The following KAZN variants were observed in gnomAD, a reference collection of about 807,000 sequenced individuals.
The protein encoded by KAZN is kazrin, periplakin interacting protein, also known as kazrin.
Under a neutral mutation model 87.4 loss-of-function variants are expected in KAZN, and 40 were observed. That is an observed-to-expected ratio of 0.46 (90% CI 0.36 to 0.60). KAZN has a LOEUF of 0.60. Among genes scored for constraint, KAZN ranks in the 20% least tolerant of loss-of-function variants. The probability of loss-of-function intolerance (pLI) is 0.00; values close to 1 mark genes in which losing one functional copy is unlikely to be tolerated. For missense variants in KAZN, 898 were observed against 1,073.9 expected, an observed-to-expected ratio of 0.84 and a Z score of 2.29; for synonymous variants, 466 against 458.3, an observed-to-expected ratio of 1.02 and a Z score of -0.22.
chr1:14,122,315 A>C (rs1383307698), intron 1 of KAZN, among the ~76,000 whole-genome samples: 1 of 152,190 alleles, frequency 6.6e-6, no homozygotes, highest in Non-Finnish European at 1.5e-5. Flanking sequence ...AATTCAATAA[A>C]ACCCAATTCT....
At chr1:14,665,901 T>C (rs933599181) in intron 1 of KAZN, among the ~76,000 whole-genome samples, 5 of 144,368 alleles carry the variant, frequency 3.5e-5, no homozygotes, top group Non-Finnish European at 6.0e-5. Flanking sequence ...CCTTTGGCAG[T>C]TTGGAGGCTA....
chr1:13,987,281 G>T (rs774067703), intron 1 of KAZN, among the ~76,000 whole-genome samples: 2 of 151,950 alleles, frequency 1.3e-5, no homozygotes, highest in African/African-American at 2.4e-5. Context: ...TTTAAGCCCC[G>T]CATGCATCAG....
At chr1:14,425,130 G>A (rs898298302) in intron 2 of KAZN, among the ~76,000 whole-genome samples, 8 of 152,214 alleles carry the variant, frequency 5.3e-5, no homozygotes, top group Non-Finnish European at 1.2e-4. Flanking sequence ...CGTGGCCTCA[G>A]TGTCTTCATC....
At chr1:13,931,674 G>T (rs1484013173) in intron 1 of KAZN, among the ~76,000 whole-genome samples, 1 of 114,212 alleles carries the variant, frequency 8.8e-6, no homozygotes, top group Non-Finnish European at 2.0e-5. Context: ...CAGTCCCAAT[G>T]ATTGTCATGT....
chr1:14,496,137 G>T (rs866715733), intron 2 of KAZN, among the ~76,000 whole-genome samples: 46 of 152,090 alleles, frequency 3.0e-4, no homozygotes, highest in African/African-American at 1.1e-3. Flanking sequence ...TTGCCATGTG[G>T]TTATTTTGAA....
chr1:14,474,591 C>T (rs1668621211), intron 2 of KAZN, among the ~76,000 whole-genome samples: 1 of 152,152 alleles, frequency 6.6e-6, no homozygotes, highest in Non-Finnish European at 1.5e-5. Context: ...GTCGGAAGGA[C>T]AACCAGAGCA....
chr1:14,586,291 T>C (rs1675842093), intron 2 of KAZN, among the ~76,000 whole-genome samples: 1 of 152,206 alleles, frequency 6.6e-6, no homozygotes, highest in African/African-American at 2.4e-5. Context: ...TTTTGTGATG[T>C]GCCGCACAGA....
In KAZN at chr1:14,178,654, G is replaced by C. The variant is rs75546491; in HGVS notation, c.92-1781G>C. On this transcript the variant is annotated intron_variant, in intron 1 of 16. Transcript: ENST00000636203. ...CATGTTTGCTAATACTATCACTTCT[G>C]TTATTTCTGGGTTTGTTTCTGTATA... Among the ~76,000 whole-genome samples, 275 of 152,230 alleles carry C rather than the reference G, an allele frequency of 1.8e-3. 6 individuals are homozygous for C. In the East Asian group the frequency reaches 0.046, roughly 25 times the overall value.
chr1:13,945,708 T>TGAGA (rs1315403538), intron 1 of KAZN, among the ~76,000 whole-genome samples: 5 of 134,622 alleles, frequency 3.7e-5, no homozygotes, highest in African/African-American at 1.4e-4. Flanking sequence ...TGTGTGTGTG[T>TGAGA]GTGAGAGAGA....
intron 1 of KAZN, among the ~76,000 whole-genome samples, chr1:13,922,258 A>G (rs1640097765): frequency 6.6e-6 from 1 of 152,042 alleles, no homozygotes; most frequent in African/African-American, 2.4e-5. Flanking sequence ...GTATTTTTCC[A>G]GTAAAGTTCT....
Position 14,420,876 on chromosome 1 carries a change from G to A in KAZN, c.250-178107G>A, listed in dbSNP as rs901358049. Among the ~76,000 whole-genome samples, 16 of 121,852 alleles carry A rather than the reference G, an allele frequency of 1.3e-4. No homozygotes were observed. In the East Asian group the frequency reaches 2.6e-3, roughly 20 times the overall value. 79.9% of individuals were successfully genotyped at this position (121,852 alleles called of 152,430 possible). On this transcript the variant is annotated intron_variant, in intron 2 of 16. Transcript: ENST00000636203. ...CTGCGCACAGCCCCGGTTGCCGCCC[G>A]CACCTCTCCCTCCACACCTCCCCTC...
intron 1 of KAZN, among the ~76,000 whole-genome samples, chr1:14,099,532 A>G (rs1644203492): frequency 6.6e-6 from 1 of 152,134 alleles, no homozygotes; most frequent in Admixed American, 6.5e-5. Flanking sequence ...GCCACCCATC[A>G]GGAGGTTGCC....
chr1:14,045,151 A>G (rs553899873), intron 1 of KAZN, among the ~76,000 whole-genome samples: 4 of 152,344 alleles, frequency 2.6e-5, no homozygotes, highest in African/African-American at 4.8e-5. Flanking sequence ...TGGATCAGAG[A>G]TGAACTGCCC....
At chr1:14,419,004 A>G (rs1479150313) in intron 2 of KAZN, among the ~76,000 whole-genome samples, 2 of 152,220 alleles carry the variant, frequency 1.3e-5, no homozygotes, top group East Asian at 1.9e-4. Flanking sequence ...TTCGGATACA[A>G]CTGTCAACGA....
intron 2 of KAZN, among the ~76,000 whole-genome samples, chr1:14,413,880 A>AG (rs1466706847): frequency 6.6e-6 from 1 of 152,192 alleles, no homozygotes; most frequent in Non-Finnish European, 1.5e-5. Context: ...TGGAAGGTAA[A>AG]GGGTATACAT....
At chr1:14,177,664 CT>C (rs1048118378) in intron 1 of KAZN, among the ~76,000 whole-genome samples, 17 of 152,000 alleles carry the variant, frequency 1.1e-4, no homozygotes, top group African/African-American at 3.6e-4. Context: ...TGTAACATGC[CT>C]TTTTTCTATG....
chr1:14,419,048 G>A (rs982970076), intron 2 of KAZN, among the ~76,000 whole-genome samples: 54 of 152,240 alleles, frequency 3.5e-4, no homozygotes, highest in African/African-American at 1.3e-3. Flanking sequence ...ATACAAGGAT[G>A]CTATATATTT....
intron 1 of KAZN, among the ~76,000 whole-genome samples, chr1:14,704,717 G>A (rs1471544461): frequency 6.6e-6 from 1 of 152,112 alleles, no homozygotes; most frequent in African/African-American, 2.4e-5. Context: ...CTTGTGTTCT[G>A]CTCCCTGCCA....
intron 1 of KAZN, among the ~76,000 whole-genome samples, chr1:13,981,393 A>G (rs1638700704): frequency 6.6e-6 from 1 of 151,476 alleles, no homozygotes; most frequent in Non-Finnish European, 1.5e-5. Context: ...TTAATATTAC[A>G]GTGAGCTGGC....
Sources: gnomAD v4.1 joint callset for allele counts (sites outside exome capture counted in the v4.1 genomes callset) on GRCh38, gnomAD v4.1.1 for gene constraint, MANE v1.5 for transcripts, NCBI Gene and HGNC (gene_info 2026-07-23, HGNC 2026-07-21) for gene names.